PPFIBP2: variants seen among roughly 807,000 people sequenced by gnomAD.
PPFIBP2 encodes the protein liprin-beta-2.
Under a neutral mutation model 118.3 loss-of-function variants are expected in PPFIBP2, and 118 were observed. That is an observed-to-expected ratio of 1.00 (90% CI 0.86 to 1.16). The LOEUF (loss-of-function observed/expected upper bound fraction) is 1.16. Among genes scored for constraint, PPFIBP2 ranks in the 50% most tolerant of loss-of-function variants. PPFIBP2 has a pLI of 0.00. For synonymous variants in PPFIBP2, 414 were observed against 397.4 expected (o/e 1.04, Z -0.50); for missense variants, 1,195 against 1,073.1 (o/e 1.11, Z -1.59).
downstream of PPFIBP2, chr11:7,656,659 T>C (rs1268340664): frequency 4.2e-6 from 5 of 1,180,868 alleles, no homozygotes; most frequent in East Asian, 5.7e-5. Context: ...CTAGTTCCGG[T>C]GCAGCTGCCG....
chr11:7,645,046 A>C (rs1406988411), intron 17 of PPFIBP2, among the ~76,000 whole-genome samples: 6 of 146,748 alleles, frequency 4.1e-5, no homozygotes, highest in East Asian at 1.9e-4. Context: ...AAAAAAAAAA[A>C]AAAAAAAAAA....
At chr11:7,590,085 C>T (rs1471046119) in intron 3 of PPFIBP2, among the ~76,000 whole-genome samples, 1 of 152,180 alleles carries the variant, frequency 6.6e-6, no homozygotes, top group Non-Finnish European at 1.5e-5. Flanking sequence ...TATACAGATT[C>T]ACCCAAAGGC....
chr11:7,522,450 G>A (rs1431851933), intron 1 of PPFIBP2, among the ~76,000 whole-genome samples: 1 of 152,210 alleles, frequency 6.6e-6, no homozygotes, highest in East Asian at 1.9e-4. Context: ...TTACCCATAA[G>A]AGGATGGTGA....
At chr11:7,628,579 C>G (rs1236801029) in intron 9 of PPFIBP2, among the ~76,000 whole-genome samples, 1 of 152,150 alleles carries the variant, frequency 6.6e-6, no homozygotes, top group Non-Finnish European at 1.5e-5. Context: ...GATTATAGCC[C>G]TGCCTGTTCC....
intron 15 of PPFIBP2, 67 bp from the exon 16 acceptor site, chr11:7,641,411 GC>G: frequency 6.4e-7 from 1 of 1,558,928 alleles, no homozygotes; most frequent in Non-Finnish European, 8.8e-7. Context: ...GAGGGCCCAG[GC>G]TTGGGGAAGA....
chr11:7,660,684 C>T (rs578248823), downstream of PPFIBP2, among the ~76,000 whole-genome samples: 6 of 151,214 alleles, frequency 4.0e-5, no homozygotes, highest in African/African-American at 1.2e-4. Flanking sequence ...GGAGGATTCC[C>T]TCTTTTTCTA....
In PPFIBP2 at chr11:7,606,886, A is replaced by ATTTTT. The variant is rs529585905; in HGVS notation, c.487-3367_487-3363dup. 7.6e-3 allele frequency among the ~76,000 whole-genome samples: 390 copies of ATTTTT among 51,446 alleles called. 123 individuals carry two copies. Among genetic ancestry groups the ATTTTT allele is most frequent in the Non-Finnish European group, 0.01 (276 of 26,924 alleles). The allele number at this position is 51,446 out of a possible 152,430, so 33.8% of individuals were successfully genotyped here. A position where few individuals can be genotyped will look rare whatever the true frequency, so the allele number is the denominator to read the frequency against. On this transcript the variant is annotated intron_variant, in intron 5 of 23. Coordinates refer to ENST00000299492, the MANE Select transcript of PPFIBP2 (RefSeq NM_003621.5). ...CTGATCAGAAGACAAAACTGCATGA[A>ATTTTT]TTTTTTTTTTTTTTTTTTTTTTTTT...
chr11:7,639,947 A>G, intron 15 of PPFIBP2, 77 bp downstream of exon 15: 1 of 1,514,780 alleles, frequency 6.6e-7, no homozygotes, highest in Non-Finnish European at 8.8e-7. Context: ...AGATCCCTGC[A>G]CCTACCACCA....
At chr11:7,594,916 CAAAAAAAAAA>C (rs58084975) in intron 4 of PPFIBP2, among the ~76,000 whole-genome samples, 4 of 64,050 alleles carry the variant, frequency 6.2e-5, no homozygotes, top group Non-Finnish European at 1.2e-4. Flanking sequence ...GACTCCATCT[CAAAAAAAAAA>C]AAAAAAAAAA....
intron 14 of PPFIBP2, 33 bp from the exon 15 acceptor site, chr11:7,639,699 C>T (rs374237597): frequency 2.4e-4 from 393 of 1,613,252 alleles, no homozygotes; most frequent in Admixed American, 7.5e-4. Flanking sequence ...ACAGTTAAGT[C>T]GGTATCTCTC....
intron 5 of PPFIBP2, among the ~76,000 whole-genome samples, chr11:7,603,702 T>C (rs942307313): frequency 6.6e-6 from 1 of 152,202 alleles, no homozygotes; most frequent in African/African-American, 2.4e-5. Flanking sequence ...AAAAAGGAAA[T>C]GATGAGTTGC....
At chr11:7,588,358 G>A (rs1327657574) in intron 3 of PPFIBP2, among the ~76,000 whole-genome samples, 2 of 152,152 alleles carry the variant, frequency 1.3e-5, no homozygotes, top group Admixed American at 6.5e-5. Context: ...CCCTGCTGAG[G>A]CTGATTGACT....
chr11:7,606,937 G>T (rs1388697741), intron 5 of PPFIBP2, among the ~76,000 whole-genome samples: 2 of 78,456 alleles, frequency 2.5e-5, no homozygotes, highest in African/African-American at 4.8e-5. Context: ...TTGAGACAGA[G>T]TCTCACTGTG....
At chr11:7,649,101 C>G (rs1308921384) in intron 19 of PPFIBP2, 46 bp from the exon 20 acceptor site, 11 of 1,563,314 alleles carry the variant, frequency 7.0e-6, no homozygotes, top group Non-Finnish European at 9.6e-6. Context: ...TCTACATTCT[C>G]TCATTCTCAT....
chr11:7,625,708 G>C, intron 7 of PPFIBP2, 69 bp from the exon 8 acceptor site: 1 of 1,309,284 alleles, frequency 7.6e-7, no homozygotes, highest in Non-Finnish European at 1.1e-6. Flanking sequence ...TCTGGACTCT[G>C]ACGGGAGGCA....
At chr11:7,555,277 AG>A (rs1402699541) in intron 2 of PPFIBP2, among the ~76,000 whole-genome samples, 1 of 152,196 alleles carries the variant, frequency 6.6e-6, no homozygotes, top group African/African-American at 2.4e-5. Context: ...GTACTCACTG[AG>A]GAGGAATAGT....
In PPFIBP2 at chr11:7,556,232, A is replaced by G. The variant is rs1011784008; in HGVS notation, c.64+6693A>G. On this transcript the variant is annotated intron_variant, in intron 2 of 23. Transcript: ENST00000299492. ...GCACTTTGGGAGGCCGAGGCGGGCGAATCACGAGGTCAGGAGATTGAGACC... is the reference window on the plus strand; with the variant it reads ...GCACTTTGGGAGGCCGAGGCGGGCGGATCACGAGGTCAGGAGATTGAGACC... Among the ~76,000 whole-genome samples, 174 of 152,268 alleles carry G rather than the reference A, an allele frequency of 1.1e-3. No homozygotes were observed. The Middle Eastern group carries it at 0.017, about 15-fold the overall frequency.
At chr11:7,523,608 C>T (rs1055792026) in intron 1 of PPFIBP2, among the ~76,000 whole-genome samples, 2 of 152,160 alleles carry the variant, frequency 1.3e-5, no homozygotes, top group South Asian at 2.1e-4. Flanking sequence ...GCACAGATTA[C>T]AGACGTAGAT....
At chr11:7,523,166 T>A (rs997969914) in intron 1 of PPFIBP2, among the ~76,000 whole-genome samples, 4 of 152,146 alleles carry the variant, frequency 2.6e-5, no homozygotes, top group African/African-American at 9.7e-5. Flanking sequence ...TGCACTGCTG[T>A]CGGGAGACTC....
Sources: allele counts gnomAD v4.1 joint callset (sites outside exome capture counted in the v4.1 genomes callset), GRCh38; gene constraint gnomAD v4.1.1; transcripts MANE v1.5; gene names NCBI Gene and HGNC (gene_info 2026-07-23, HGNC 2026-07-21).